Variants in LRRC4C observed in about 807,000 individuals in gnomAD.
The protein encoded by LRRC4C is leucine rich repeat containing 4C, also known as leucine-rich repeat-containing protein 4C.
In LRRC4C, 5 loss-of-function variants were observed where a neutral mutation model predicts 33.6. The ratio of observed to expected loss-of-function variants is 0.15; its 90% confidence interval spans 0.08 to 0.31. The LOEUF (loss-of-function observed/expected upper bound fraction) is 0.31. Among genes scored for constraint, LRRC4C ranks in the 10% least tolerant of loss-of-function variants. The probability of loss-of-function intolerance (pLI) is 1.00; values close to 1 mark genes in which losing one functional copy is unlikely to be tolerated. For synonymous variants in LRRC4C, 329 were observed against 302.0 expected, an observed-to-expected ratio of 1.09 and a Z score of -0.93; for missense variants, 560 against 796.7, an observed-to-expected ratio of 0.70 and a Z score of 3.58.
At chr11:41,047,014 T>C (rs764858400) in intron 1 of LRRC4C, among the ~76,000 whole-genome samples, 2 of 152,086 alleles carry the variant, frequency 1.3e-5, no homozygotes, top group Admixed American at 1.3e-4. Context: ...ATAAATTAAT[T>C]AGGCTTTATC....
Position 40,892,549 on chromosome 11 carries a change from T to C in LRRC4C, c.-407+41086A>G, listed in dbSNP as rs896056640. 3.9e-5 allele frequency among the ~76,000 whole-genome samples: 6 copies of C among 151,994 alleles called. No individual in the cohort carries two copies. In the East Asian group the frequency reaches 1.2e-3, roughly 29 times the overall value. On this transcript the variant is annotated intron_variant, in intron 2 of 6. Coordinates refer to ENST00000528697, the MANE Select transcript of LRRC4C (RefSeq NM_001258419.2). The stretch of plus-strand genomic sequence containing the variant: ...AAGATGGAAAAAATCAAAATGTCCA[T>C]CAACAGATGAATAAACAAAATGTAG...
chr11:40,620,990 A>G (rs1962395628), intron 3 of LRRC4C, among the ~76,000 whole-genome samples: 1 of 151,638 alleles, frequency 6.6e-6, no homozygotes, highest in South Asian at 2.1e-4. Context: ...TTTTCTGATG[A>G]GCAGGTGAGG....
chr11:40,639,150 T>C (rs1941955621), intron 3 of LRRC4C, among the ~76,000 whole-genome samples: 1 of 144,848 alleles, frequency 6.9e-6, no homozygotes, highest in Admixed American at 6.7e-5. Flanking sequence ...AGTAACACTT[T>C]GTTAAGGTTG....
At chr11:40,969,554 C>T (rs970033173) in intron 1 of LRRC4C, among the ~76,000 whole-genome samples, 1 of 152,048 alleles carries the variant, frequency 6.6e-6, no homozygotes, top group South Asian at 2.1e-4. Context: ...CTTAGCCACC[C>T]CAACCTTCAG....
At chr11:40,511,675 C>T (rs1387146187) in intron 3 of LRRC4C, among the ~76,000 whole-genome samples, 1 of 152,082 alleles carries the variant, frequency 6.6e-6, no homozygotes, top group Non-Finnish European at 1.5e-5. Flanking sequence ...ACTGAAGCAC[C>T]AGCAGGGAAT....
At chr11:40,341,418 T>A (rs950548792) in intron 3 of LRRC4C, among the ~76,000 whole-genome samples, 4 of 152,112 alleles carry the variant, frequency 2.6e-5, no homozygotes. Flanking sequence ...GCATGATTTA[T>A]AATCCTTTGG....
chr11:40,502,964 C>T (rs976752239), intron 3 of LRRC4C, among the ~76,000 whole-genome samples: 17 of 152,188 alleles, frequency 1.1e-4, no homozygotes, highest in African/African-American at 3.9e-4. Flanking sequence ...CCACCCACAA[C>T]GTTGACAACT....
rs1231628275 is a variant in LRRC4C, at chr11:40,609,415, C to A, written c.-270+38727G>T. On this transcript the variant is annotated intron_variant, in intron 3 of 6. Transcript: ENST00000528697. ...CTTATCGGATACAACCAAAACAGTA[C>A]CTAAAGGGAAGTGTGACAATGTCTA... Among the ~76,000 whole-genome samples the A allele has an allele frequency of 1.3e-5, 2 of 150,696 alleles. 1 individual carries two copies. The highest frequency in any genetic ancestry group is 4.2e-4 in the South Asian group (2 of 4,746).
At chr11:40,402,130 G>C (rs552681418) in intron 3 of LRRC4C, among the ~76,000 whole-genome samples, 13 of 152,058 alleles carry the variant, frequency 8.5e-5, no homozygotes, top group African/African-American at 2.2e-4. Flanking sequence ...AAAGGAAAAG[G>C]GTTCAAAGAC....
At chr11:41,364,302 G>A (rs1380631044) in intron 1 of LRRC4C, among the ~76,000 whole-genome samples, 1 of 151,962 alleles carries the variant, frequency 6.6e-6, no homozygotes, top group Non-Finnish European at 1.5e-5. Flanking sequence ...CTTTTGAGAT[G>A]GAGTCTTGAT....
chr11:41,306,664 T>C (rs1375227617), intron 1 of LRRC4C, among the ~76,000 whole-genome samples: 1 of 152,170 alleles, frequency 6.6e-6, no homozygotes, highest in East Asian at 1.9e-4. Flanking sequence ...ATGAGTAATA[T>C]GAAAGAAGAA....
At chr11:41,163,145 C>G (rs185576633) in intron 1 of LRRC4C, among the ~76,000 whole-genome samples, 1 of 152,052 alleles carries the variant, frequency 6.6e-6, no homozygotes, top group Admixed American at 6.6e-5. Flanking sequence ...TTTCACCTCC[C>G]TCCATGATTC....
chr11:40,615,238 T>TTATATATATATATATATATATATATATA (rs756021420), intron 3 of LRRC4C, among the ~76,000 whole-genome samples: 21 of 88,120 alleles, frequency 2.4e-4, no homozygotes, highest in Admixed American at 3.6e-4. Context: ...TTGATTTATT[T>TTATATATATATATATATATATATATATA]TATATATATA....
chr11:41,128,936 G>A (rs1343289581), intron 1 of LRRC4C, among the ~76,000 whole-genome samples: 6 of 151,886 alleles, frequency 4.0e-5, no homozygotes, highest in East Asian at 3.9e-4. Flanking sequence ...TATCTTCAAC[G>A]AGTGTTTATA....
chr11:41,140,835 T>C (rs1238619367), intron 1 of LRRC4C, among the ~76,000 whole-genome samples: 3 of 152,200 alleles, frequency 2.0e-5, no homozygotes, highest in African/African-American at 7.2e-5. Flanking sequence ...AGTCTCTTTT[T>C]ACATAAGTAA....
intron 1 of LRRC4C, among the ~76,000 whole-genome samples, chr11:41,214,836 A>G (rs1475482638): frequency 6.8e-6 from 1 of 146,836 alleles, no homozygotes; most frequent in African/African-American, 2.5e-5. Context: ...ATATATATGT[A>G]TATATAAATA....
intron 3 of LRRC4C, among the ~76,000 whole-genome samples, chr11:40,452,874 C>T (rs1347839733): frequency 1.3e-5 from 2 of 152,096 alleles, no homozygotes; most frequent in African/African-American, 4.8e-5. Flanking sequence ...AGTTCATGTC[C>T]TTTGTAGGGA....
At chr11:40,741,975 T>C (rs1948177473) in intron 2 of LRRC4C, among the ~76,000 whole-genome samples, 1 of 152,040 alleles carries the variant, frequency 6.6e-6, no homozygotes, top group Non-Finnish European at 1.5e-5. Context: ...TCATCTGCTC[T>C]TGTTACTCCT....
chr11:40,463,842 A>G (rs1952525329), intron 3 of LRRC4C, among the ~76,000 whole-genome samples: 3 of 152,124 alleles, frequency 2.0e-5, no homozygotes, highest in Admixed American at 1.3e-4. Context: ...ACTTGGCTGT[A>G]TAATCCATTT....
Sources: gnomAD v4.1 joint callset for allele counts (sites outside exome capture counted in the v4.1 genomes callset) on GRCh38, gnomAD v4.1.1 for gene constraint, MANE v1.5 for transcripts, NCBI Gene and HGNC (gene_info 2026-07-23, HGNC 2026-07-21) for gene names.